WEE2: variants seen among roughly 807,000 people sequenced by gnomAD.
The protein encoded by WEE2 is wee1-like protein kinase 2.
Under a neutral mutation model 60.1 loss-of-function variants are expected in WEE2, and 50 were observed. The ratio of observed to expected loss-of-function variants is 0.83; its 90% CI spans 0.66 to 1.05. WEE2 has a LOEUF of 1.05. Ranked by LOEUF, WEE2 falls within the 50% of genes least tolerant of loss-of-function variation. WEE2 has a pLI of 0.00. For missense variants in WEE2, 631 were observed against 684.3 expected (o/e 0.92, Z 0.87); for synonymous variants, 240 against 241.0 (o/e 1.00, Z 0.04).
chr7:141,714,113 G>A, intron 1 of WEE2, 96 bp from the exon 2 acceptor site: 3 of 1,097,990 alleles, frequency 2.7e-6, no homozygotes, highest in Non-Finnish European at 3.9e-6. Flanking sequence ...GGCCCCTTCA[G>A]CAAAAGCATT....
chr7:141,729,944 C>CA (rs1221011501), intron 11 of WEE2, among the ~76,000 whole-genome samples: 5 of 146,332 alleles, frequency 3.4e-5, no homozygotes, highest in African/African-American at 1.3e-4. Flanking sequence ...GCTGAGATCA[C>CA]ACCACTGCAC....
At chr7:141,726,763 T>A (rs1395897762) in intron 9 of WEE2, among the ~76,000 whole-genome samples, 1 of 152,238 alleles carries the variant, frequency 6.6e-6, no homozygotes, top group Non-Finnish European at 1.5e-5. Flanking sequence ...GAATTTGGTC[T>A]GAATTTGGTT....
Position 141,708,577 on chromosome 7 carries a change from T to C in WEE2, c.-182T>C. On this transcript the variant is annotated 5_prime_UTR_variant, in exon 1 of 12. Coordinates refer to ENST00000397541, the MANE Select transcript of WEE2 (RefSeq NM_001105558.1). ...TCAGGATAAGCTGAGGTCTTATAGATTGGTGGTACTTAAGGCAGAAAATTA... is the reference window on the plus strand; with the variant it reads ...TCAGGATAAGCTGAGGTCTTATAGACTGGTGGTACTTAAGGCAGAAAATTA... The C allele has an allele frequency of 1.6e-6, 1 of 606,130 alleles. No homozygotes were observed. The highest frequency in any genetic ancestry group is 2.9e-6 in the Non-Finnish European group (1 of 341,526). The allele number at this position is 606,130 out of a possible 1,614,324, so 37.5% of individuals were successfully genotyped here. A position where few individuals can be genotyped will look rare whatever the true frequency, so the allele number is the denominator to read the frequency against.
At chr7:141,709,834 T>C (rs923974225) in intron 1 of WEE2, among the ~76,000 whole-genome samples, 1 of 152,210 alleles carries the variant, frequency 6.6e-6, no homozygotes, top group Non-Finnish European at 1.5e-5. Context: ...GTTCATGTTA[T>C]TAAAGCCATA....
chr7:141,720,381 A>T (rs1441133602), intron 4 of WEE2, among the ~76,000 whole-genome samples: 1 of 151,216 alleles, frequency 6.6e-6, no homozygotes, highest in Admixed American at 6.6e-5. Flanking sequence ...TTGTGTTGGG[A>T]TTTTCTATTC....
chr7:141,715,297 C>G (rs1204823436), intron 2 of WEE2, among the ~76,000 whole-genome samples: 1 of 152,192 alleles, frequency 6.6e-6, no homozygotes, highest in Non-Finnish European at 1.5e-5. Flanking sequence ...TCATTATACT[C>G]TCACCGAAGC....
chr7:141,729,294 C>T (rs1444381752), intron 10 of WEE2, among the ~76,000 whole-genome samples: 1 of 152,326 alleles, frequency 6.6e-6, no homozygotes, highest in Non-Finnish European at 1.5e-5. Flanking sequence ...TTAAAGATCA[C>T]TTATACTCCA....
intron 3 of WEE2, among the ~76,000 whole-genome samples, chr7:141,717,074 C>T (rs992071487): frequency 3.3e-5 from 5 of 152,094 alleles, no homozygotes; most frequent in African/African-American, 7.2e-5. Flanking sequence ...GTTTATAACA[C>T]CTTGAAAACA....
rs770210463 is a variant in WEE2 at position 141,721,029 on chromosome 7, A to G, written c.853A>G (p.Met285Val). The change falls in exon 5 of 12, where the codon ATG (methionine) becomes GTG (valine). Residue 285 changes from methionine (M) to valine (V), a missense_variant. Coordinates refer to ENST00000397541, the MANE Select transcript of WEE2 (RefSeq NM_001105558.1). The stretch of plus-strand genomic sequence containing the variant: ...TTCCTCATGGGCAGAAGATGACCAC[A>G]TGATCATTCAGAATGAATACTGCAA... ...YYSSWAEDDH[M>V]IIQNEYCNGG... 6 of 1,614,106 alleles carry G rather than the reference A, an allele frequency of 3.7e-6. No individual in the cohort carries two copies. Among genetic ancestry groups the G allele is most frequent in the Admixed American group, 1.7e-5 (1 of 60,008 alleles).
At position 141,716,249 on chromosome 7, in the gene WEE2, G is replaced by C. The variant is rs755076913; in HGVS notation, c.567G>C (p.Lys189Asn). The change falls in exon 3 of 12, where the codon AAG (lysine) becomes AAC (asparagine). Residue 189 changes from lysine to asparagine, a missense_variant. Physicochemically the swap from Lys to Asn is moderately conservative, Grantham distance 94. Transcript: ENST00000397541. ...DLEEAGPEEG[K>N]GGLPAKRCVL... ...AGGAAGCTGGTCCAGAGGAAGGCAAGGGAGGGCTGCCTGCCAAGGTAAGCG... is the reference window on the plus strand; with the variant it reads ...AGGAAGCTGGTCCAGAGGAAGGCAACGGAGGGCTGCCTGCCAAGGTAAGCG... 19 of 1,612,770 alleles carry C rather than the reference G, an allele frequency of 1.2e-5. No individual in the cohort carries two copies. The Admixed American group carries it at 3.0e-4, about 25-fold the overall frequency.
chr7:141,722,726 C>A (rs1444477271), intron 5 of WEE2, among the ~76,000 whole-genome samples: 1 of 152,138 alleles, frequency 6.6e-6, no homozygotes, highest in Non-Finnish European at 1.5e-5. Flanking sequence ...TACGACTATG[C>A]CTGATTGATC....
chr7:141,712,448 C>T (rs1419092816), intron 1 of WEE2, among the ~76,000 whole-genome samples: 1 of 152,158 alleles, frequency 6.6e-6, no homozygotes, highest in Admixed American at 6.6e-5. Flanking sequence ...ATACTCTCAA[C>T]CTGTGTCATC....
rs1048700356 is a variant in WEE2 at position 141,723,665 on chromosome 7, T to G, written c.1028-276T>G. ...ATTAATGTGAAACCCAAGGACAAGT[T>G]CTTACTATTTTTTTATTTTGGGGAC... On this transcript the variant is annotated intron_variant, in intron 6 of 11. Coordinates refer to ENST00000397541, the MANE Select transcript of WEE2 (RefSeq NM_001105558.1). 5.3e-4 allele frequency among the ~76,000 whole-genome samples: 81 copies of G among 152,168 alleles called. 1 individual carries two copies. The highest frequency in any genetic ancestry group is 2.0e-3 in the African/African-American group (81 of 41,438).
At position 141,720,141 on chromosome 7, in the gene WEE2, C is replaced by CTTTTTTTTTTTTTTTT. The variant is rs571238574; in HGVS notation, c.759-777_759-762dup. ...GTTTTATACAGGTTTTAGAATTCCTCTTTTTTTTTTTTTTTTTTTTTTTTT... is the reference window on the plus strand; with the variant it reads ...GTTTTATACAGGTTTTAGAATTCCTCTTTTTTTTTTTTTTTTTTTTTTTTTTTTTTTTTTTTTTTTT... On this transcript the variant is annotated intron_variant, in intron 4 of 11. Coordinates refer to ENST00000397541, the MANE Select transcript of WEE2 (RefSeq NM_001105558.1). 4.7e-4 allele frequency among the ~76,000 whole-genome samples: 30 copies of CTTTTTTTTTTTTTTTT among 64,200 alleles called. 1 individual carries two copies. Among genetic ancestry groups the CTTTTTTTTTTTTTTTT allele is most frequent in the South Asian group, 1.8e-3 (2 of 1,108 alleles). 42.1% of individuals were successfully genotyped at this position (64,200 alleles called of 152,430 possible).
At chr7:141,728,840 A>G (rs1292177091) in intron 10 of WEE2, among the ~76,000 whole-genome samples, 1 of 152,184 alleles carries the variant, frequency 6.6e-6, no homozygotes. Context: ...CCTATTGTAA[A>G]CTGTGCATGT....
intron 9 of WEE2, 101 bp from the exon 10 acceptor site, chr7:141,727,203 C>T: frequency 7.6e-7 from 1 of 1,322,598 alleles, no homozygotes; most frequent in East Asian, 2.3e-5. Context: ...CAATGTCTTA[C>T]AAAATCCACC....
chr7:141,721,775 T>C (rs953642711), intron 5 of WEE2, among the ~76,000 whole-genome samples: 23 of 152,172 alleles, frequency 1.5e-4, no homozygotes, highest in African/African-American at 5.1e-4. Context: ...AGTGACTTCA[T>C]TTTTAACAAG....
At position 141,724,248 on chromosome 7, in the gene WEE2, C is replaced by A; in HGVS notation, c.1194C>A (p.Arg398=). The A allele has an allele frequency of 6.2e-7, 1 of 1,613,868 alleles. No individual in the cohort carries two copies. The highest frequency in any genetic ancestry group is 8.5e-7 in the Non-Finnish European group (1 of 1,179,936). ...CCAAAGTGGAAGAAGGAGATAGTCG[C>A]TTCCTGGCTAATGAGATTTTGCAAG... ...NKPKVEEGDS[R]FLANEILQED... is the part of the protein sequence containing the mutation. Residue 398 remains arginine, a synonymous_variant, in exon 8 of 12, where the codon CGC becomes CGA. Coordinates refer to ENST00000397541, the MANE Select transcript of WEE2 (RefSeq NM_001105558.1).
At chr7:141,721,173 G>T (rs764110973) in intron 5 of WEE2, 117 bp downstream of exon 5, 20 of 1,229,786 alleles carry the variant, frequency 1.6e-5, no homozygotes, top group African/African-American at 3.0e-5. Flanking sequence ...TACCTAAAAA[G>T]TCTGTACTAT....
Sources: gnomAD v4.1 joint callset for allele counts (sites outside exome capture counted in the v4.1 genomes callset) on GRCh38, gnomAD v4.1.1 for gene constraint, MANE v1.5 for transcripts, NCBI Gene and HGNC (gene_info 2026-07-23, HGNC 2026-07-21) for gene names.